CSMD1: variants seen among roughly 807,000 people sequenced by gnomAD.
CSMD1 encodes CUB and sushi domain-containing protein 1.
Under a neutral mutation model 417.5 loss-of-function variants are expected in CSMD1, and 213 were observed. The observed-to-expected ratio is 0.51, with a 90% CI of 0.46 to 0.57. The LOEUF is 0.57. Among genes scored for constraint, CSMD1 ranks in the 20% least tolerant of loss-of-function variants. The pLI is 0.00. For missense variants in CSMD1, 6,923 were observed against 4,529.7 expected (o/e 1.53, Z -15.17); for synonymous variants, 2,862 against 1,736.8 (o/e 1.65, Z -16.11).
intron 57 of CSMD1, among the ~76,000 whole-genome samples, chr8:2,972,415 G>T (rs980539257): frequency 1.3e-5 from 2 of 152,134 alleles, no homozygotes; most frequent in East Asian, 1.9e-4. Flanking sequence ...TGCTTGTAAA[G>T]AATTCCTAAC....
chr8:3,585,734 T>C (rs553477196), intron 9 of CSMD1, among the ~76,000 whole-genome samples: 1 of 152,288 alleles, frequency 6.6e-6, no homozygotes, highest in Non-Finnish European at 1.5e-5. Context: ...ACTTACATAA[T>C]TAATACCTAA....
At chr8:3,124,942 G>T (rs1195834887) in intron 41 of CSMD1, among the ~76,000 whole-genome samples, 1 of 152,182 alleles carries the variant, frequency 6.6e-6, no homozygotes, top group African/African-American at 2.4e-5. Flanking sequence ...CACTAAGTAA[G>T]AGCATCAGTT....
At chr8:4,201,797 C>T (rs189876370) in intron 3 of CSMD1, among the ~76,000 whole-genome samples, 1 of 150,908 alleles carries the variant, frequency 6.6e-6, no homozygotes, top group African/African-American at 2.5e-5. Flanking sequence ...TAACCTCCTG[C>T]ACGACTGCTG....
At chr8:3,713,613 C>T (rs747908229) in intron 6 of CSMD1, among the ~76,000 whole-genome samples, 14 of 152,134 alleles carry the variant, frequency 9.2e-5, no homozygotes, top group Non-Finnish European at 2.1e-4. Context: ...ACACCCGTAC[C>T]GTCCTTCATT....
rs375659259 is a variant in CSMD1 at position 2,974,523 on chromosome 8, T to C, written c.8668A>G (p.Ser2890Gly). Residue 2890 changes from serine (S) to glycine (G), a missense_variant, in exon 56 of 70, where the codon AGC becomes GGC. Transcript: ENST00000635120. ...VVHYSCRGSE[S>G]LIGNDTRVCQ... ...ACTCTCGTGTCGTTGCCTATGAGGC[T>C]CTCGCTCCCTCTGCAGGAGTAGTGC... 1.9e-6 allele frequency: 3 copies of C among 1,613,658 alleles called. No individual in the cohort carries two copies. The highest frequency in any genetic ancestry group is 2.5e-6 in the Non-Finnish European group (3 of 1,179,740).
At chr8:3,167,491 G>A (rs1277170765) in intron 37 of CSMD1, among the ~76,000 whole-genome samples, 4 of 152,068 alleles carry the variant, frequency 2.6e-5, no homozygotes, top group African/African-American at 7.2e-5. Context: ...AGAACAAAAC[G>A]CAGGCATTGG....
chr8:3,235,598 G>A (rs535084130), intron 26 of CSMD1, among the ~76,000 whole-genome samples: 9 of 152,158 alleles, frequency 5.9e-5, no homozygotes, highest in South Asian at 4.2e-4. Context: ...TTAATCCAGC[G>A]TATCCCACAT....
In CSMD1 at chr8:4,654,722, A is replaced by C. The variant is rs370466666; in HGVS notation, c.86-17164T>G. On this transcript the variant is annotated intron_variant, in intron 1 of 69. Transcript: ENST00000635120. ...TGTGGAAGAGGTGTCTTATTTCTCA[A>C]TGCATTCATAATTCAGACAGAGAAG... 2.0e-5 allele frequency among the ~76,000 whole-genome samples: 3 copies of C among 152,214 alleles called. No homozygotes were observed. The South Asian group carries it at 6.2e-4, about 32-fold the overall frequency.
chr8:4,066,721 G>A (rs1343734053), intron 3 of CSMD1, among the ~76,000 whole-genome samples: 1 of 152,082 alleles, frequency 6.6e-6, no homozygotes, highest in African/African-American at 2.4e-5. Context: ...TTTTGTTTGG[G>A]ACGAGAGTGA....
intron 3 of CSMD1, among the ~76,000 whole-genome samples, chr8:4,158,041 G>A (rs983313234): frequency 2.0e-5 from 3 of 151,282 alleles, no homozygotes; most frequent in African/African-American, 4.9e-5. Context: ...CCTGCTCAAA[G>A]CTCCTGCTAC....
intron 4 of CSMD1, among the ~76,000 whole-genome samples, chr8:4,023,569 T>G (rs892291129): frequency 1.3e-5 from 2 of 148,198 alleles, no homozygotes; most frequent in Middle Eastern, 3.5e-3. Flanking sequence ...ATATGAATGC[T>G]TACTGCTTTT....
chr8:3,110,092 A>ATATG (rs1269619872), intron 43 of CSMD1, 66 bp downstream of exon 43: 8 of 1,314,172 alleles, frequency 6.1e-6, no homozygotes, highest in Non-Finnish European at 8.3e-6. Flanking sequence ...TATAAGTGGC[A>ATATG]TATGTATGCT....
At chr8:4,123,808 G>C (rs1802615360) in intron 3 of CSMD1, among the ~76,000 whole-genome samples, 1 of 152,178 alleles carries the variant, frequency 6.6e-6, no homozygotes, top group East Asian at 1.9e-4. Flanking sequence ...ATATAATAGA[G>C]AACTAAGTTC....
At chr8:3,293,206 G>T (rs1256056599) in intron 25 of CSMD1, among the ~76,000 whole-genome samples, 1 of 152,154 alleles carries the variant, frequency 6.6e-6, no homozygotes, top group Admixed American at 6.5e-5. Context: ...CTGTTGGTCT[G>T]ATGGGCTTCC....
intron 5 of CSMD1, among the ~76,000 whole-genome samples, chr8:3,871,049 G>A (rs1805451526): frequency 6.6e-6 from 1 of 151,636 alleles, no homozygotes; most frequent in Non-Finnish European, 1.5e-5. Flanking sequence ...CCATCTTTGT[G>A]TATTATTCCA....
chr8:4,237,360 T>A (rs1802128564), intron 3 of CSMD1, among the ~76,000 whole-genome samples: 1 of 152,070 alleles, frequency 6.6e-6, no homozygotes, highest in Non-Finnish European at 1.5e-5. Flanking sequence ...AAACATTATT[T>A]CTGAGACTCA....
chr8:2,959,880 T>G (rs1032362428), intron 62 of CSMD1, among the ~76,000 whole-genome samples: 1 of 152,190 alleles, frequency 6.6e-6, no homozygotes. Context: ...TAAAACATGG[T>G]GTCTGGGCTC....
intron 3 of CSMD1, among the ~76,000 whole-genome samples, chr8:4,210,031 G>T (rs1041171026): frequency 2.0e-5 from 3 of 152,084 alleles, no homozygotes; most frequent in African/African-American, 7.2e-5. Context: ...TTCTCTATTT[G>T]GTCCAGTGTC....
intron 2 of CSMD1, among the ~76,000 whole-genome samples, chr8:4,613,142 T>C (rs759648661): frequency 2.0e-5 from 3 of 152,162 alleles, no homozygotes; most frequent in Non-Finnish European, 4.4e-5. Flanking sequence ...CACGAGCTGA[T>C]TGCTCTTCCC....
Sources: gnomAD v4.1 joint callset for allele counts (sites outside exome capture counted in the v4.1 genomes callset) on GRCh38, gnomAD v4.1.1 for gene constraint, MANE v1.5 for transcripts, NCBI Gene and HGNC (gene_info 2026-07-23, HGNC 2026-07-21) for gene names.